The following ANGPT1 variants were observed in gnomAD, a reference collection of about 807,000 sequenced individuals.
ANGPT1 encodes the protein angiopoietin 1.
Under a neutral mutation model 62.2 loss-of-function variants are expected in ANGPT1, and 17 were observed. That is an observed-to-expected ratio of 0.27 (90% CI 0.19 to 0.41). The LOEUF (loss-of-function observed/expected upper bound fraction) is 0.41, where lower values mean the gene tolerates loss of function less well. ANGPT1 is among the 10% of genes least tolerant of loss of function. The pLI, the probability that ANGPT1 is intolerant of heterozygous loss-of-function variation, is 1.00. For synonymous variants in ANGPT1, 199 were observed against 198.9 expected, an observed-to-expected ratio of 1.00 and a Z score of 0.00; for missense variants, 478 against 594.9, an observed-to-expected ratio of 0.80 and a Z score of 2.04.
At chr8:107,371,221 G>GTGTT (rs1352444763) in intron 1 of ANGPT1, among the ~76,000 whole-genome samples, 1 of 152,210 alleles carries the variant, frequency 6.6e-6, no homozygotes, top group Non-Finnish European at 1.5e-5. Flanking sequence ...TAGGATCAAA[G>GTGTT]TGTTTACTTT....
chr8:107,289,838 G>A (rs1166893943), intron 6 of ANGPT1, among the ~76,000 whole-genome samples: 1 of 152,010 alleles, frequency 6.6e-6, no homozygotes, highest in East Asian at 1.9e-4. Context: ...TATAAAATTA[G>A]GCCATTTTGG....
At chr8:107,369,325 C>T (rs1583302) in intron 1 of ANGPT1, among the ~76,000 whole-genome samples, 1 of 152,024 alleles carries the variant, frequency 6.6e-6, no homozygotes, top group African/African-American at 2.4e-5. Context: ...AAGAGAGTTA[C>T]GCCTTGCTCT....
chr8:107,371,759 C>T (rs535443348), intron 1 of ANGPT1, among the ~76,000 whole-genome samples: 1 of 152,066 alleles, frequency 6.6e-6, no homozygotes, highest in East Asian at 1.9e-4. Flanking sequence ...CATTCTTATG[C>T]TGTCTTCCAC....
rs543459298 is a variant in ANGPT1, at chr8:107,415,048, G to T, written c.298-67951C>A. On this transcript the variant is annotated intron_variant, in intron 1 of 8. Transcript: ENST00000517746. The stretch of plus-strand genomic sequence containing the variant: ...TGAGTGGTTGCTGAACTAGGTAGGT[G>T]GTTGTCAAATTTAGTTTACTCTGCT... 1.7e-4 allele frequency among the ~76,000 whole-genome samples: 26 copies of T among 152,230 alleles called. 1 individual carries two copies. The South Asian group carries it at 3.3e-3, about 19-fold the overall frequency.
In ANGPT1 at chr8:107,317,216, C is replaced by G. The variant is rs183502007; in HGVS notation, c.808+4680G>C. 3.1e-3 allele frequency among the ~76,000 whole-genome samples: 472 copies of G among 152,322 alleles called. 2 individuals are homozygous for G. The highest frequency in any genetic ancestry group is 0.011 in the African/African-American group (460 of 41,574). ...CTATCAAACCCTAGGTTCCTTAAAG[C>G]CACAGAATGAAATACATCTTTTCTT... On this transcript the variant is annotated intron_variant, in intron 4 of 8. Transcript: ENST00000517746.
At chr8:107,329,657 G>C (rs1398681051) in intron 3 of ANGPT1, among the ~76,000 whole-genome samples, 1 of 148,096 alleles carries the variant, frequency 6.8e-6, no homozygotes, top group African/African-American at 2.4e-5. Flanking sequence ...AGTTGTGTGT[G>C]TGTGTGAGTC....
At position 107,251,795 on chromosome 8, in the gene ANGPT1, C is replaced by T. The variant is rs1215092522; in HGVS notation, c.*60G>A. ...CTTCTGAAGTTTTCAAACAGTTTCT[C>T]ACCTGGCAGCTTCTCCGGATTTCTT... On this transcript the variant is annotated 3_prime_UTR_variant, in exon 9 of 9. Transcript: ENST00000517746. 2 of 1,594,590 alleles carry T rather than the reference C, an allele frequency of 1.3e-6. No individual in the cohort carries two copies. Among genetic ancestry groups the T allele is most frequent in the Non-Finnish European group, 1.7e-6 (2 of 1,166,056 alleles).
chr8:107,458,643 A>G (rs1031356478), intron 1 of ANGPT1, among the ~76,000 whole-genome samples: 2 of 152,206 alleles, frequency 1.3e-5, no homozygotes, highest in African/African-American at 4.8e-5. Context: ...ATGTTATACT[A>G]TGTTTGATGC....
At chr8:107,278,809 A>T (rs1813926408) in intron 7 of ANGPT1, among the ~76,000 whole-genome samples, 1 of 152,256 alleles carries the variant, frequency 6.6e-6, no homozygotes, top group Non-Finnish European at 1.5e-5. Context: ...CAGCAAGGCA[A>T]CAAATTTCTG....
chr8:107,483,573 C>T (rs1340468714), intron 1 of ANGPT1, among the ~76,000 whole-genome samples: 1 of 151,922 alleles, frequency 6.6e-6, no homozygotes, highest in Non-Finnish European at 1.5e-5. Flanking sequence ...TACTGATGAA[C>T]TTTTAAAAAA....
chr8:107,324,127 G>A (rs1217677596), intron 3 of ANGPT1, among the ~76,000 whole-genome samples: 1 of 147,900 alleles, frequency 6.8e-6, no homozygotes, highest in Non-Finnish European at 1.5e-5. Flanking sequence ...ATTATGGCCT[G>A]CCCATGCTTG....
At chr8:107,316,503 T>C (rs1387742914) in intron 4 of ANGPT1, among the ~76,000 whole-genome samples, 1 of 152,204 alleles carries the variant, frequency 6.6e-6, no homozygotes, top group African/African-American at 2.4e-5. Context: ...GACTGGCTTG[T>C]GTCAAGTATT....
At chr8:107,364,427 T>G (rs527878399) in intron 1 of ANGPT1, among the ~76,000 whole-genome samples, 2 of 152,184 alleles carry the variant, frequency 1.3e-5, no homozygotes, top group East Asian at 3.9e-4. Flanking sequence ...ATTACAGGTG[T>G]GCGCCACGAT....
chr8:107,400,338 T>C (rs1029002782), intron 1 of ANGPT1, among the ~76,000 whole-genome samples: 1 of 152,212 alleles, frequency 6.6e-6, no homozygotes, highest in Admixed American at 6.5e-5. Flanking sequence ...GTTCAGTTTA[T>C]TCCCTGCTAT....
chr8:107,388,896 G>C (rs1340464572), intron 1 of ANGPT1, among the ~76,000 whole-genome samples: 1 of 152,154 alleles, frequency 6.6e-6, no homozygotes, highest in African/African-American at 2.4e-5. Flanking sequence ...CAGAAGGGCA[G>C]TTTCAAAAAT....
intron 1 of ANGPT1, among the ~76,000 whole-genome samples, chr8:107,389,657 T>C (rs539214670): frequency 4.6e-5 from 7 of 152,220 alleles, no homozygotes; most frequent in East Asian, 1.9e-4. Flanking sequence ...GGATAACATA[T>C]AACAAAAACA....
chr8:107,425,333 G>T (rs969571070), intron 1 of ANGPT1, among the ~76,000 whole-genome samples: 1 of 151,982 alleles, frequency 6.6e-6, no homozygotes, highest in Non-Finnish European at 1.5e-5. Flanking sequence ...CTGTTTATTC[G>T]CTGACTTATT....
chr8:107,260,605 C>T (rs1490736863), intron 8 of ANGPT1, among the ~76,000 whole-genome samples: 1 of 152,174 alleles, frequency 6.6e-6, no homozygotes, highest in Non-Finnish European at 1.5e-5. Flanking sequence ...ACTCCAGTTA[C>T]CTGGACTGTC....
chr8:107,494,160 ATCT>A (rs1813034231), intron 1 of ANGPT1, among the ~76,000 whole-genome samples: 1 of 152,212 alleles, frequency 6.6e-6, no homozygotes, highest in Non-Finnish European at 1.5e-5. Flanking sequence ...AGCAAAACAG[ATCT>A]TCTAAGGATT....
Sources: allele counts gnomAD v4.1 joint callset (sites outside exome capture counted in the v4.1 genomes callset), GRCh38; gene constraint gnomAD v4.1.1; transcripts MANE v1.5; gene names NCBI Gene and HGNC (gene_info 2026-07-23, HGNC 2026-07-21).